Variants in PHKG1 observed in about 807,000 individuals in gnomAD.
PHKG1 encodes phosphorylase b kinase gamma catalytic chain, skeletal muscle/heart isoform.
A neutral mutation model predicts 50.5 loss-of-function variants in PHKG1; 48 were observed. That is an observed-to-expected ratio of 0.95 (90% CI 0.75 to 1.21). The LOEUF (loss-of-function observed/expected upper bound fraction) is 1.21. Among genes scored for constraint, PHKG1 ranks in the 50% most tolerant of loss-of-function variants. The probability of loss-of-function intolerance (pLI) is 0.00; values close to 1 mark genes in which losing one functional copy is unlikely to be tolerated. For synonymous variants in PHKG1, 204 were observed against 212.8 expected, an observed-to-expected ratio of 0.96 and a Z score of 0.36; for missense variants, 487 against 519.5, an observed-to-expected ratio of 0.94 and a Z score of 0.61.
At position 56,082,179 on chromosome 7, in the gene PHKG1, C is replaced by G. The variant is rs369323877; in HGVS notation, c.622G>C (p.Gly208Arg). 1 of 1,613,858 alleles carries G rather than the reference C, an allele frequency of 6.2e-7. No homozygotes were observed. The highest frequency in any genetic ancestry group is 8.5e-7 in the Non-Finnish European group (1 of 1,180,006). The change falls in exon 7 of 10, where the codon GGG (glycine) becomes CGG (arginine). Residue 208 changes from glycine (G) to arginine (R), a missense_variant. Transcript: ENST00000297373. Reference sequence around the variant, plus strand: ...CGCACTCACATGTCCACCTCTTTCCCGTAGCCCGGGTGGTCCTCATTCATG... The same window carrying G: ...CGCACTCACATGTCCACCTCTTTCCGGTAGCCCGGGTGGTCCTCATTCATG... ...CSMNEDHPGYGKEVDMWSTGV... is the reference protein window; with the variant it reads ...CSMNEDHPGYRKEVDMWSTGV...
chr7:56,083,732 T>TTGA lies in PHKG1; in HGVS notation c.318-20_318-18dup. 6.5e-7 allele frequency: 1 copy of TTGA among 1,549,620 alleles called. No individual in the cohort carries two copies. Reference sequence around the variant, plus strand: ...CTCTTCATCCTGTGGAAACAGAGGGTTGATAGCTGGATCGGTCCCAAGACC... The same window carrying TTGA: ...CTCTTCATCCTGTGGAAACAGAGGGTTGATGATAGCTGGATCGGTCCCAAGACC... On this transcript the variant is annotated splice_polypyrimidine_tract_variant and intron_variant, in intron 4 of 9. Transcript: ENST00000297373.
At chr7:56,088,742 A>G in intron 2 of PHKG1, 117 bp downstream of exon 2, 1 of 668,812 alleles carries the variant, frequency 1.5e-6, no homozygotes, top group Non-Finnish European at 2.7e-6. Flanking sequence ...TCTCCAAGTG[A>G]ACAGCACTTT....
rs56665611 is a variant in PHKG1, at chr7:56,087,194, T to TTTATTATTA, written c.263-179_263-171dup. On this transcript the variant is annotated intron_variant, in intron 3 of 9. Coordinates refer to ENST00000297373, the MANE Select transcript of PHKG1 (RefSeq NM_006213.5). ...CTGGGATGTGGGCAGGCCCAGGGACTTTATTATTATTATTATTATTATTAT... is the reference window on the plus strand; with the variant it reads ...CTGGGATGTGGGCAGGCCCAGGGACTTTATTATTATTATTATTATTATTATTATTATTAT... 2.1e-3 allele frequency among the ~76,000 whole-genome samples: 279 copies of TTTATTATTA among 136,080 alleles called. 1 individual carries two copies. Among genetic ancestry groups the TTTATTATTA allele is most frequent in the Admixed American group, 3.5e-3 (46 of 13,218 alleles). The allele number at this position is 136,080 out of a possible 152,430, so 89.3% of individuals were successfully genotyped here.
At chr7:56,083,998 C>T in intron 4 of PHKG1, 1 of 614,674 alleles carries the variant, frequency 1.6e-6, no homozygotes, top group Non-Finnish European at 2.9e-6. Flanking sequence ...GAATTTTTCC[C>T]CTGGAAAAAT....
chr7:56,088,524 T>TAA (rs59230050), intron 2 of PHKG1: 31,756 of 147,130 alleles, frequency 0.22, 3,510 homozygotes, highest in East Asian at 0.38. Context: ...GACCCTATCT[T>TAA]AAAAAAAAAA....
At position 56,081,643 on chromosome 7, in the gene PHKG1, C is replaced by CG. The variant is rs758001277; in HGVS notation, c.904dup (p.Arg302ProfsTer96). The CG allele has an allele frequency of 3.8e-5, 61 of 1,613,556 alleles. No homozygotes were observed. The African/African-American group carries it at 7.7e-4, about 20-fold the overall frequency. On this transcript the variant is annotated frameshift_variant, in exon 9 of 10. Coordinates refer to ENST00000297373, the MANE Select transcript of PHKG1 (RefSeq NM_006213.5). LOFTEE classifies it high-confidence loss of function. This position sits in a 1 kb window ranked among gnomAD's most constrained non-coding sequence, Gnocchi z 4.6. ...GACGCTTAGTACCTTGAACTTCCCCCGGGGGCTGAAGTGCCGCACTTCCTC... is the reference window on the plus strand; with the variant it reads ...GACGCTTAGTACCTTGAACTTCCCCCGGGGGGCTGAAGTGCCGCACTTCCTC...
chr7:56,084,149 C>A (rs980769901), intron 4 of PHKG1: 3 of 1,517,036 alleles, frequency 2.0e-6, no homozygotes, highest in Non-Finnish European at 2.7e-6. Context: ...TGAGCAGTAC[C>A]TTGCCCTGCC....
At chr7:56,084,862 AT>A (rs1213552052) in intron 4 of PHKG1, among the ~76,000 whole-genome samples, 2 of 152,228 alleles carry the variant, frequency 1.3e-5, no homozygotes, top group African/African-American at 2.4e-5. Flanking sequence ...AGCATTAAAA[AT>A]AGCTTCCCCC....
At chr7:56,088,744 C>CAGCACTTTGGGGATGAAAGTGGCGTT in intron 2 of PHKG1, 115 bp downstream of exon 2, 1 of 672,436 alleles carries the variant, frequency 1.5e-6, no homozygotes, top group South Asian at 1.8e-5. Context: ...TCCAAGTGAA[C>CAGCACTTTGGGGATGAAAGTGGCGTT]AGCACTTTGG....
At position 56,081,939 on chromosome 7, in the gene PHKG1, A is replaced by T. The variant is rs1173007645; in HGVS notation, c.746T>A (p.Phe249Tyr). 2 of 1,613,778 alleles carry T rather than the reference A, an allele frequency of 1.2e-6. No homozygotes were observed. Among genetic ancestry groups the T allele is most frequent in the African/African-American group, 2.7e-5 (2 of 74,938 alleles). Residue 249 changes from phenylalanine (F) to tyrosine (Y), a missense_variant, in exon 8 of 10, where the codon TTT (phenylalanine) becomes TAT (tyrosine). Physicochemically the swap from Phe to Tyr is conservative, Grantham distance 22. Coordinates refer to ENST00000297373, the MANE Select transcript of PHKG1 (RefSeq NM_006213.5). This position sits in a 1 kb window ranked among gnomAD's most constrained non-coding sequence, Gnocchi z 4.6. ...GTAATCATCCCACTCGGGCGAGCCA[A>T]ACTGGTAGTTGCCGCTCATGATCAT... is the stretch of plus-strand genomic sequence containing the variant. ...LRMIMSGNYQ[F>Y]GSPEWDDYSD... is the part of the protein sequence containing the mutation.
At chr7:56,085,463 T>C (rs1041879043) in intron 4 of PHKG1, among the ~76,000 whole-genome samples, 1 of 152,282 alleles carries the variant, frequency 6.6e-6, no homozygotes, top group African/African-American at 2.4e-5. Flanking sequence ...TGCTTAGAAA[T>C]AAGGGGCTCA....
At chr7:56,087,373 C>T (rs1169168403) in intron 3 of PHKG1, among the ~76,000 whole-genome samples, 1 of 151,964 alleles carries the variant, frequency 6.6e-6, no homozygotes, top group East Asian at 1.9e-4. Flanking sequence ...AGGCATGCAC[C>T]AGCATGCCTG....
chr7:56,085,990 A>G (rs1177627622), intron 4 of PHKG1, among the ~76,000 whole-genome samples: 1 of 144,222 alleles, frequency 6.9e-6, no homozygotes, highest in African/African-American at 2.5e-5. Context: ...AAAAAAAAAA[A>G]GTAAATCAGA....
In PHKG1 at chr7:56,082,161, A is replaced by T; in HGVS notation, c.638+2T>A. The T allele has an allele frequency of 6.2e-7, 1 of 1,613,584 alleles. No homozygotes were observed. The highest frequency in any genetic ancestry group is 8.5e-7 in the Non-Finnish European group (1 of 1,179,718). On this transcript the variant is annotated splice_donor_variant, in intron 7 of 9. Transcript: ENST00000297373. LOFTEE classifies it high-confidence loss of function. ...GTGCTCCTCCTTTCCCGGCGCACTC[A>T]CATGTCCACCTCTTTCCCGTAGCCC...
At chr7:56,088,524 TA>T (rs59230050) in intron 2 of PHKG1, 1,821 of 147,314 alleles carry the variant, frequency 0.012, no homozygotes, top group South Asian at 0.029. Flanking sequence ...GACCCTATCT[TA>T]AAAAAAAAAA....
chr7:56,083,834 T>G, intron 4 of PHKG1, 119 bp from the exon 5 acceptor site: 1 of 723,524 alleles, frequency 1.4e-6, no homozygotes. Context: ...CCACTCTCCG[T>G]GGAGAACCAC....
rs946866941 is a variant in PHKG1, at chr7:56,084,430, A to G, written c.318-715T>C. Among the ~76,000 whole-genome samples the G allele has an allele frequency of 5.4e-5, 8 of 147,812 alleles. No homozygotes were observed. In the East Asian group the frequency reaches 1.2e-3, roughly 22 times the overall value. ...TGCTCATCACCCAGGCTGGAGTGCA[A>G]TGATGCAATCTCGGCTCACTGCAAC... On this transcript the variant is annotated intron_variant, in intron 4 of 9. Coordinates refer to ENST00000297373, the MANE Select transcript of PHKG1 (RefSeq NM_006213.5).
chr7:56,091,369 T>C (rs1375852471), intron 1 of PHKG1, among the ~76,000 whole-genome samples: 1 of 150,796 alleles, frequency 6.6e-6, no homozygotes, highest in Admixed American at 6.6e-5. Flanking sequence ...TACAAAAAAT[T>C]AGCCGGGCGT....
At position 56,083,260 on chromosome 7, in the gene PHKG1, A is replaced by G; in HGVS notation, c.547+18T>C. On this transcript the variant is annotated intron_variant, in intron 6 of 9. Transcript: ENST00000297373. ...AGCACCCGAGGCCTGGACGTGGGCC[A>G]AGGCCATGTTACCAGACCTCGCAGC... is the stretch of plus-strand genomic sequence containing the variant. The G allele has an allele frequency of 1.2e-6, 2 of 1,612,868 alleles. No individual in the cohort carries two copies. Among genetic ancestry groups the G allele is most frequent in the Admixed American group, 1.7e-5 (1 of 59,998 alleles).
Sources: gnomAD v4.1 joint callset for allele counts (sites outside exome capture counted in the v4.1 genomes callset) on GRCh38, gnomAD v4.1.1 for gene constraint, Gnocchi (gnomAD v3.1) non-coding constraint, MANE v1.5 for transcripts, NCBI Gene and HGNC (gene_info 2026-07-23, HGNC 2026-07-21) for gene names.